Variants in CHSY3 observed in about 807,000 individuals in gnomAD.
The protein encoded by CHSY3 is N-acetylgalactosaminyl-proteoglycan 3-beta-glucuronosyltransferase 3.
In CHSY3, 35 loss-of-function variants were observed where a neutral mutation model predicts 67.2. That is an observed-to-expected ratio of 0.52 (90% CI 0.40 to 0.69). The LOEUF (loss-of-function observed/expected upper bound fraction) is 0.69, where lower values mean the gene tolerates loss of function less well. CHSY3 is among the 30% of genes least tolerant of loss of function. CHSY3 has a pLI of 0.00. For missense variants in CHSY3, 1,069 were observed against 1,138.5 expected, an observed-to-expected ratio of 0.94 and a Z score of 0.88; for synonymous variants, 474 against 434.7, an observed-to-expected ratio of 1.09 and a Z score of -1.12.
chr5:130,104,918 C>G (rs1450748293), intron 2 of CHSY3, among the ~76,000 whole-genome samples: 1 of 151,478 alleles, frequency 6.6e-6, no homozygotes, highest in Non-Finnish European at 1.5e-5. Flanking sequence ...CTGAAAGGAG[C>G]CTGAGACTCT....
At chr5:130,080,887 T>A (rs780755044) in intron 2 of CHSY3, among the ~76,000 whole-genome samples, 6 of 152,130 alleles carry the variant, frequency 3.9e-5, no homozygotes, top group Non-Finnish European at 5.9e-5. Context: ...AGAAAAGGCA[T>A]GCAAATTTAT....
chr5:129,963,526 A>T lies in CHSY3; in HGVS notation c.1086+55166A>T, dbSNP rs962734218. 3.9e-5 allele frequency among the ~76,000 whole-genome samples: 6 copies of T among 152,108 alleles called. No individual in the cohort carries two copies. In the East Asian group the frequency reaches 1.2e-3, roughly 30 times the overall value. On this transcript the variant is annotated intron_variant, in intron 2 of 2. Coordinates refer to ENST00000305031, the MANE Select transcript of CHSY3 (RefSeq NM_175856.5). The stretch of plus-strand genomic sequence containing the variant: ...TATGAGTGAAGTGTGATGCAGTGGG[A>T]AAATGACTAGCAGATGACACTATGG...
chr5:129,961,972 A>G (rs2149608083), intron 2 of CHSY3, among the ~76,000 whole-genome samples: 1 of 152,110 alleles, frequency 6.6e-6, no homozygotes, highest in African/African-American at 2.4e-5. Context: ...CCAAACCAGG[A>G]AACTATCCAT....
At chr5:130,011,085 A>T (rs529084217) in intron 2 of CHSY3, among the ~76,000 whole-genome samples, 1 of 152,200 alleles carries the variant, frequency 6.6e-6, no homozygotes, top group Non-Finnish European at 1.5e-5. Context: ...AAACTATTCC[A>T]TTGACTTGAG....
intron 2 of CHSY3, among the ~76,000 whole-genome samples, chr5:130,091,789 A>C (rs1241171900): frequency 6.6e-6 from 1 of 152,162 alleles, no homozygotes; most frequent in African/African-American, 2.4e-5. Context: ...CTTCAGGAAA[A>C]TTTCCAAAAA....
At chr5:130,078,565 A>T (rs768793130) in intron 2 of CHSY3, among the ~76,000 whole-genome samples, 2 of 152,168 alleles carry the variant, frequency 1.3e-5, no homozygotes, top group Non-Finnish European at 2.9e-5. Context: ...TTTATTAGAT[A>T]TTCAAAACCC....
chr5:130,013,266 G>A (rs1205637109), intron 2 of CHSY3, among the ~76,000 whole-genome samples: 1 of 152,130 alleles, frequency 6.6e-6, no homozygotes, highest in Admixed American at 6.5e-5. Context: ...ACAGGCACAT[G>A]GTGTAAGCTG....
chr5:129,922,941 A>G (rs1760972993), intron 2 of CHSY3, among the ~76,000 whole-genome samples: 7 of 152,236 alleles, frequency 4.6e-5, no homozygotes. Context: ...TTGGAAAATC[A>G]GTTCTGTAGA....
chr5:130,178,249 A>ATTTTTTTTTT (rs1253548592), intron 2 of CHSY3, among the ~76,000 whole-genome samples: 1 of 68,532 alleles, frequency 1.5e-5, no homozygotes, highest in Non-Finnish European at 2.5e-5. Context: ...ATATATATAT[A>ATTTTTTTTTT]TATATTTTTT....
At chr5:130,087,110 C>T (rs1163390328) in intron 2 of CHSY3, among the ~76,000 whole-genome samples, 2 of 151,962 alleles carry the variant, frequency 1.3e-5, no homozygotes, top group South Asian at 2.1e-4. Context: ...GAACCAAAGA[C>T]AAAAACCACA....
chr5:130,133,755 G>A (rs74472468), intron 2 of CHSY3, among the ~76,000 whole-genome samples: 6,230 of 124,592 alleles, frequency 0.05, 388 homozygotes, highest in East Asian at 0.3. Context: ...CTGGGCGACA[G>A]TGTGAGACTC....
chr5:130,033,381 T>C (rs1368970840), intron 2 of CHSY3, among the ~76,000 whole-genome samples: 1 of 152,122 alleles, frequency 6.6e-6, no homozygotes, highest in Non-Finnish European at 1.5e-5. Context: ...AGCTTCTAAC[T>C]CTTCCAGTTT....
chr5:130,079,204 T>G (rs978640577), intron 2 of CHSY3, among the ~76,000 whole-genome samples: 1 of 152,118 alleles, frequency 6.6e-6, no homozygotes, highest in African/African-American at 2.4e-5. Flanking sequence ...ATATAGGCTG[T>G]AAAAAGGACA....
intron 2 of CHSY3, among the ~76,000 whole-genome samples, chr5:129,989,133 T>C (rs1180297241): frequency 6.6e-6 from 1 of 152,202 alleles, no homozygotes; most frequent in Non-Finnish European, 1.5e-5. Flanking sequence ...AGAAACTTAC[T>C]GGCTGACGGT....
intron 2 of CHSY3, among the ~76,000 whole-genome samples, chr5:130,153,025 G>A (rs1769272161): frequency 6.6e-6 from 1 of 152,140 alleles, no homozygotes; most frequent in Non-Finnish European, 1.5e-5. Flanking sequence ...GAAATCAGGA[G>A]TTCGAGACCA....
chr5:130,017,535 C>CT, intron 2 of CHSY3, among the ~76,000 whole-genome samples: 1 of 152,114 alleles, frequency 6.6e-6, no homozygotes, highest in Non-Finnish European at 1.5e-5. Flanking sequence ...GAAAAAGCTA[C>CT]TTGATCTCCC....
At chr5:129,973,904 C>A (rs1490941534) in intron 2 of CHSY3, among the ~76,000 whole-genome samples, 7 of 152,112 alleles carry the variant, frequency 4.6e-5, no homozygotes, top group Non-Finnish European at 1.0e-4. Context: ...CCTCAAACTA[C>A]TTGTGTTTTC....
intron 2 of CHSY3, among the ~76,000 whole-genome samples, chr5:130,077,799 G>A (rs1561526097): frequency 6.7e-6 from 1 of 150,332 alleles, no homozygotes; most frequent in African/African-American, 2.4e-5. Flanking sequence ...ATATATGTGT[G>A]TATATATATA....
intron 2 of CHSY3, among the ~76,000 whole-genome samples, chr5:129,942,126 G>C (rs559824498): frequency 6.6e-6 from 1 of 152,250 alleles, no homozygotes; most frequent in South Asian, 2.1e-4. Flanking sequence ...CAATCAGAAA[G>C]GTGGGGAAAG....
Sources: gnomAD v4.1 joint callset for allele counts (sites outside exome capture counted in the v4.1 genomes callset) on GRCh38, gnomAD v4.1.1 for gene constraint, MANE v1.5 for transcripts, NCBI Gene and HGNC (gene_info 2026-07-23, HGNC 2026-07-21) for gene names.